Variants in OSBP2 observed in about 807,000 individuals in gnomAD.
OSBP2 encodes oxysterol binding protein 2, also known as oxysterol-binding protein 2.
A neutral mutation model predicts 96.0 loss-of-function variants in OSBP2; 66 were observed. That is an observed-to-expected ratio of 0.69 (90% CI 0.56 to 0.84). The LOEUF (loss-of-function observed/expected upper bound fraction) is 0.84. Ranked by LOEUF, OSBP2 falls within the 40% of genes least tolerant of loss-of-function variation. OSBP2 has a pLI of 0.00. For missense variants in OSBP2, 1,038 were observed against 1,222.7 expected, an observed-to-expected ratio of 0.85 and a Z score of 2.25; for synonymous variants, 525 against 520.9, an observed-to-expected ratio of 1.01 and a Z score of -0.11.
chr22:30,721,994 T>C (rs1279340273), intron 1 of OSBP2, among the ~76,000 whole-genome samples: 4 of 152,094 alleles, frequency 2.6e-5, no homozygotes, highest in Non-Finnish European at 4.4e-5. Flanking sequence ...CTACCGAGAT[T>C]GTGTGATGAT....
At chr22:30,812,314 C>T (rs1287909548) in intron 2 of OSBP2, among the ~76,000 whole-genome samples, 1 of 152,102 alleles carries the variant, frequency 6.6e-6, no homozygotes, top group Admixed American at 6.6e-5. Flanking sequence ...TACAGGCGCG[C>T]ACCACCATGC....
chr22:30,781,278 G>A (rs981098740), intron 2 of OSBP2, among the ~76,000 whole-genome samples: 4 of 151,712 alleles, frequency 2.6e-5, no homozygotes, highest in Non-Finnish European at 5.9e-5. Context: ...CACCACACCC[G>A]GCCGATGTTT....
upstream of OSBP2, chr22:30,694,252 G>T: frequency 6.5e-7 from 1 of 1,549,882 alleles, no homozygotes; most frequent in Non-Finnish European, 8.7e-7. Flanking sequence ...GCCTTGGCAT[G>T]AACCGTAGGC....
At chr22:30,747,691 T>G (rs1343237681) in intron 2 of OSBP2, among the ~76,000 whole-genome samples, 1 of 152,120 alleles carries the variant, frequency 6.6e-6, no homozygotes, top group East Asian at 1.9e-4. Flanking sequence ...CCCCACCCAC[T>G]GGGCTCAGCT....
chr22:30,768,316 C>T (rs141272521), intron 2 of OSBP2, among the ~76,000 whole-genome samples: 7 of 152,228 alleles, frequency 4.6e-5, no homozygotes, highest in South Asian at 2.1e-4. Flanking sequence ...TTATGTAATA[C>T]GCCTCTGGGG....
At chr22:30,771,491 A>G (rs973617962) in intron 2 of OSBP2, among the ~76,000 whole-genome samples, 2 of 152,144 alleles carry the variant, frequency 1.3e-5, no homozygotes, top group Non-Finnish European at 2.9e-5. Context: ...CTGCCCATGT[A>G]TGGCACACCT....
upstream of OSBP2, chr22:30,694,351 G>A (rs777611494): frequency 1.2e-5 from 19 of 1,534,412 alleles, no homozygotes; most frequent in Non-Finnish European, 1.1e-5. Context: ...ACAGGTAATG[G>A]CTGCCATGGG....
intron 2 of OSBP2, among the ~76,000 whole-genome samples, chr22:30,846,606 CCT>C (rs2038876210): frequency 6.6e-6 from 1 of 152,048 alleles, no homozygotes; most frequent in Non-Finnish European, 1.5e-5. Flanking sequence ...CCCTTCCCTC[CCT>C]CTCACTCTGG....
At chr22:30,778,303 G>GCACACACACACACACACACA (rs34574171) in intron 2 of OSBP2, among the ~76,000 whole-genome samples, 2 of 146,528 alleles carry the variant, frequency 1.4e-5, no homozygotes, top group African/African-American at 2.5e-5. Flanking sequence ...GTGTGCATGT[G>GCACACACACACACACACACA]CACACACACA....
intron 2 of OSBP2, among the ~76,000 whole-genome samples, chr22:30,768,752 G>C (rs1569115378): frequency 6.6e-6 from 1 of 152,100 alleles, no homozygotes; most frequent in Non-Finnish European, 1.5e-5. Flanking sequence ...TTTCCTGCTA[G>C]GGCAATTACC....
At position 30,811,323 on chromosome 22, in the gene OSBP2, TTTTA is replaced by T. The variant is rs201749381; in HGVS notation, c.854-59098_854-59095del. ...TAGTTTCTGATTTTATTTTTTTTAT[TTTTA>T]TTTATTTTATTTATTTATTTATTTA... On this transcript the variant is annotated intron_variant, in intron 2 of 13. Transcript: ENST00000332585. 6.9e-3 allele frequency among the ~76,000 whole-genome samples: 810 copies of T among 117,890 alleles called. 2 individuals carry two copies. The highest frequency in any genetic ancestry group is 8.9e-3 in the Non-Finnish European group (528 of 59,436). The allele number at this position is 117,890 out of a possible 152,430, so 77.3% of individuals were successfully genotyped here. A position where few individuals can be genotyped will look rare whatever the true frequency, so the allele number is the denominator to read the frequency against.
At chr22:30,826,977 C>T (rs547965879) in intron 2 of OSBP2, among the ~76,000 whole-genome samples, 13 of 152,222 alleles carry the variant, frequency 8.5e-5, no homozygotes, top group African/African-American at 3.1e-4. Context: ...TTAGGTGAAC[C>T]TGGAGTGGGG....
chr22:30,707,485 C>T lies in OSBP2; in HGVS notation c.644+11932C>T, dbSNP rs185788920. Among the ~76,000 whole-genome samples the T allele has an allele frequency of 2.7e-3, 409 of 151,818 alleles. 1 individual carries two copies. Among genetic ancestry groups the T allele is most frequent in the Middle Eastern group, 3.4e-3 (1 of 294 alleles). On this transcript the variant is annotated intron_variant, in intron 1 of 13. Coordinates refer to ENST00000332585, the MANE Select transcript of OSBP2 (RefSeq NM_030758.4). ...ATCCCAGCACTGTGGGAGGCTGAGG[C>T]GGGCGGATCACGAGGTCAGAAGATC...
Position 30,886,607 on chromosome 22 carries a change from A to G in OSBP2, c.1108-819A>G, listed in dbSNP as rs116795720. Among the ~76,000 whole-genome samples the G allele has an allele frequency of 3.0e-3, 460 of 152,356 alleles. 4 individuals are homozygous for G. Among genetic ancestry groups the G allele is most frequent in the African/African-American group, 0.01 (431 of 41,588 alleles). On this transcript the variant is annotated intron_variant, in intron 3 of 13. Transcript: ENST00000332585. ...TGCAGGGCCACTTCAAAATATGGCA[A>G]AGAAGCATGTTTTGGGATGAAATAC...
At chr22:30,893,589 G>C (rs368929133) in intron 10 of OSBP2, 23 bp downstream of exon 10, 1 of 1,613,162 alleles carries the variant, frequency 6.2e-7, no homozygotes, top group South Asian at 1.1e-5. Context: ...CTTGGGGAGG[G>C]GGTGCATGGC....
chr22:30,901,813 G>A (rs775270962), intron 12 of OSBP2, among the ~76,000 whole-genome samples: 3 of 152,088 alleles, frequency 2.0e-5, no homozygotes, highest in Admixed American at 6.5e-5. Flanking sequence ...TGCAGTGTCC[G>A]AGATGGTGCC....
At chr22:30,815,040 G>A (rs1397431401) in intron 2 of OSBP2, among the ~76,000 whole-genome samples, 3 of 152,178 alleles carry the variant, frequency 2.0e-5, no homozygotes, top group African/African-American at 7.2e-5. Context: ...CCAGCACTTT[G>A]GGAGGCCAAG....
intron 2 of OSBP2, among the ~76,000 whole-genome samples, chr22:30,762,433 A>G (rs1325415839): frequency 6.6e-6 from 1 of 151,514 alleles, no homozygotes; most frequent in Non-Finnish European, 1.5e-5. Flanking sequence ...CTGTAGTCCC[A>G]GCTACTCGGG....
chr22:30,734,283 G>A (rs2089820634), intron 1 of OSBP2, among the ~76,000 whole-genome samples: 1 of 152,246 alleles, frequency 6.6e-6, no homozygotes, highest in Non-Finnish European at 1.5e-5. Flanking sequence ...ATGTATTTTG[G>A]ATATGAGCCC....
Sources: allele counts gnomAD v4.1 joint callset (sites outside exome capture counted in the v4.1 genomes callset), GRCh38; gene constraint gnomAD v4.1.1; transcripts MANE v1.5; gene names NCBI Gene and HGNC (gene_info 2026-07-23, HGNC 2026-07-21).